The following KNTC1 variants were observed in gnomAD, a reference collection of about 807,000 sequenced individuals.
KNTC1 encodes kinetochore-associated protein 1.
A neutral mutation model predicts 314.4 loss-of-function variants in KNTC1; 253 were observed. That is an observed-to-expected ratio of 0.80 (90% CI 0.73 to 0.89). The LOEUF is 0.89. KNTC1 is among the 40% of genes least tolerant of loss of function. The probability of loss-of-function intolerance (pLI) is 0.00; values close to 1 mark genes in which losing one functional copy is unlikely to be tolerated. For synonymous variants in KNTC1, 901 were observed against 901.4 expected (o/e 1.00, Z 0.01); for missense variants, 2,475 against 2,572.9 (o/e 0.96, Z 0.82).
At chr12:122,559,569 T>TA (rs954997978) in intron 18 of KNTC1, among the ~76,000 whole-genome samples, 6 of 132,562 alleles carry the variant, frequency 4.5e-5, no homozygotes, top group Non-Finnish European at 5.2e-5. Flanking sequence ...TTCACCTTTT[T>TA]AAAAAAAAAT....
chr12:122,535,466 T>C (rs535943956), intron 3 of KNTC1, among the ~76,000 whole-genome samples: 146 of 152,162 alleles, frequency 9.6e-4, no homozygotes, highest in African/African-American at 3.3e-3. Flanking sequence ...CATGGTGAAA[T>C]CCCGTTTTCT....
Position 122,546,192 on chromosome 12 carries a change from C to T in KNTC1, c.686C>T (p.Ala229Val). Residue 229 changes from alanine to valine, a missense_variant, in exon 9 of 64, where the codon GCA (alanine) becomes GTA (valine). Transcript: ENST00000333479. ...TTTTTCCAGGGAACCGGTAATTGTG[C>T]ATTCTCAAAATGGGAACCAGATTCT... ...PVIIGGTGNC[A>V]FSKWEPDSSK... is the part of the protein sequence containing the mutation. 6.2e-7 allele frequency: 1 copy of T among 1,606,532 alleles called. No homozygotes were observed. Among genetic ancestry groups the T allele is most frequent in the Non-Finnish European group, 8.5e-7 (1 of 1,173,390 alleles).
chr12:122,610,758 G>A, intron 52 of KNTC1, 64 bp from the exon 53 acceptor site: 2 of 1,024,462 alleles, frequency 2.0e-6, no homozygotes, highest in Non-Finnish European at 3.0e-6. Flanking sequence ...AGAAAGATAA[G>A]TCTGTTGTTT....
At chr12:122,541,898 A>G (rs1962368176) in intron 5 of KNTC1, among the ~76,000 whole-genome samples, 152 bp from the exon 6 acceptor site, 1 of 152,008 alleles carries the variant, frequency 6.6e-6, no homozygotes. Flanking sequence ...GCACGCCTGT[A>G]GTCCCAGCTA....
chr12:122,568,790 C>G (rs1964502423), intron 21 of KNTC1, among the ~76,000 whole-genome samples: 1 of 151,760 alleles, frequency 6.6e-6, no homozygotes, highest in Non-Finnish European at 1.5e-5. Flanking sequence ...GAGCCGAGAT[C>G]ACGCCACTGC....
intron 51 of KNTC1, among the ~76,000 whole-genome samples, chr12:122,606,564 C>T (rs1330661552): frequency 6.6e-6 from 1 of 152,002 alleles, no homozygotes; most frequent in East Asian, 1.9e-4. Flanking sequence ...AGCTGTTTTA[C>T]CTTTCAGTTG....
At chr12:122,609,911 C>T (rs776407248) in intron 52 of KNTC1, among the ~76,000 whole-genome samples, 2 of 152,134 alleles carry the variant, frequency 1.3e-5, no homozygotes, top group South Asian at 2.1e-4. Flanking sequence ...CAAGTCAGAA[C>T]GAATGTGGCA....
chr12:122,615,025 A>T lies in KNTC1; in HGVS notation c.5912A>T (p.Tyr1971Phe), dbSNP rs1366801672. 1 of 1,613,616 alleles carries T rather than the reference A, an allele frequency of 6.2e-7. No homozygotes were observed. The highest frequency in any genetic ancestry group is 2.2e-5 in the East Asian group (1 of 44,864). Residue 1971 changes from tyrosine (Y) to phenylalanine (F), a missense_variant, in exon 56 of 64, where the codon TAC becomes TTC. Transcript: ENST00000333479. ...TTGGTGACTGAGCTGTGTTTAGAAT[A>T]CAAAATCTATGACCTGCAGCTTTGG... ...VRLVTELCLE[Y>F]KIYDLQLWNG...
At chr12:122,553,192 G>A (rs1007766866) in intron 16 of KNTC1, among the ~76,000 whole-genome samples, 3 of 151,866 alleles carry the variant, frequency 2.0e-5, no homozygotes, top group African/African-American at 7.3e-5. Context: ...TATAGTGGGT[G>A]GAATCAGCAG....
intron 59 of KNTC1, 107 bp from the exon 60 acceptor site, chr12:122,620,372 A>G: frequency 9.8e-7 from 1 of 1,015,996 alleles, no homozygotes; most frequent in East Asian, 2.7e-5. Context: ...TTTAGTGTTT[A>G]AAATTATTGA....
intron 12 of KNTC1, 61 bp from the exon 13 acceptor site, chr12:122,549,705 T>A: frequency 1.2e-6 from 1 of 817,712 alleles, no homozygotes; most frequent in South Asian, 1.5e-5. Flanking sequence ...TGTGAAGTGC[T>A]GTTTTGTACT....
intron 37 of KNTC1, 23 bp from the exon 38 acceptor site, chr12:122,586,678 T>A: frequency 7.5e-7 from 1 of 1,339,832 alleles, no homozygotes; most frequent in Non-Finnish European, 1.0e-6. Flanking sequence ...TAGTGTTGTT[T>A]AATGTTTTAT....
intron 34 of KNTC1, 60 bp downstream of exon 34, chr12:122,583,045 C>G: frequency 6.8e-7 from 1 of 1,470,830 alleles, no homozygotes; most frequent in Non-Finnish European, 9.2e-7. Flanking sequence ...GGCACGGTAA[C>G]TCATACCTGT....
At chr12:122,564,470 G>T (rs781694928) in intron 20 of KNTC1, among the ~76,000 whole-genome samples, 3 of 151,622 alleles carry the variant, frequency 2.0e-5, no homozygotes, top group Non-Finnish European at 4.4e-5. Flanking sequence ...AGAATTAAAG[G>T]GTCCTAAAAC....
In KNTC1 at chr12:122,588,768, A is replaced by G. The variant is rs968627260; in HGVS notation, c.3951A>G (p.Glu1317=). The G allele has an allele frequency of 1.3e-6, 2 of 1,569,514 alleles. No homozygotes were observed. The highest frequency in any genetic ancestry group is 1.7e-6 in the Non-Finnish European group (2 of 1,156,658). ...GGCATGTTGTTATGGAATTGAAAGAAAAAGCTGTTATATTTATCAGGGAAA... is the reference window on the plus strand; with the variant it reads ...GGCATGTTGTTATGGAATTGAAAGAGAAAGCTGTTATATTTATCAGGGAAA... ...KSRHVVMELK[E]KAVIFIRENA... The change falls in exon 40 of 64, where the codon GAA becomes GAG. Residue 1317 remains glutamate, a synonymous_variant. Transcript: ENST00000333479.
At chr12:122,602,941 C>G in intron 47 of KNTC1, 54 bp downstream of exon 47, 1 of 1,543,730 alleles carries the variant, frequency 6.5e-7, no homozygotes, top group East Asian at 2.2e-5. Context: ...TAATTCTGAC[C>G]CCGTATAGAA....
intron 42 of KNTC1, among the ~76,000 whole-genome samples, 183 bp downstream of exon 42, chr12:122,591,636 T>C (rs1371569982): frequency 6.6e-6 from 1 of 152,168 alleles, no homozygotes; most frequent in Non-Finnish European, 1.5e-5. Context: ...CATTTCCTTT[T>C]TTCTGTATTT....
chr12:122,598,083 AAC>A, intron 44 of KNTC1, 145 bp downstream of exon 44: 2 of 681,030 alleles, frequency 2.9e-6, no homozygotes, highest in South Asian at 2.1e-5. Flanking sequence ...CTATATTTTT[AAC>A]ACAGTTAAAT....
chr12:122,533,128 C>A (rs1229733429), intron 2 of KNTC1, among the ~76,000 whole-genome samples: 1 of 151,246 alleles, frequency 6.6e-6, no homozygotes, highest in Non-Finnish European at 1.5e-5. Flanking sequence ...CTAGAGAGAA[C>A]AGTGTGGACA....
Sources: allele counts gnomAD v4.1 joint callset (sites outside exome capture counted in the v4.1 genomes callset), GRCh38; gene constraint gnomAD v4.1.1; transcripts MANE v1.5; gene names NCBI Gene and HGNC (gene_info 2026-07-23, HGNC 2026-07-21).